Variants in NPR1 observed in about 807,000 individuals in gnomAD.
NPR1 encodes the protein natriuretic peptide receptor 1, also known as atrial natriuretic peptide receptor 1.
NPR1 carries 57 observed loss-of-function variants against 116.9 expected under a neutral mutation model. That is an observed-to-expected ratio of 0.49 (90% CI 0.39 to 0.61). The LOEUF (loss-of-function observed/expected upper bound fraction) is 0.61, where lower values mean the gene tolerates loss of function less well. Ranked by LOEUF, NPR1 falls within the 20% of genes least tolerant of loss-of-function variation. The probability of loss-of-function intolerance (pLI) is 0.00; values close to 1 mark genes in which losing one functional copy is unlikely to be tolerated. For synonymous variants in NPR1, 555 were observed against 601.6 expected, an observed-to-expected ratio of 0.92 and a Z score of 1.13; for missense variants, 1,096 against 1,409.8, an observed-to-expected ratio of 0.78 and a Z score of 3.56.
At position 153,679,953 on chromosome 1, in the gene NPR1, C is replaced by A; in HGVS notation, c.721+124C>A. 1 of 1,291,510 alleles carries A rather than the reference C, an allele frequency of 7.7e-7. No individual in the cohort carries two copies. The highest frequency in any genetic ancestry group is 1.0e-6 in the Non-Finnish European group (1 of 956,530). 80.0% of individuals were successfully genotyped at this position (1,291,510 alleles called of 1,614,324 possible). ...TTCTTTCTCCTCGCCGTTCTTCATTCTACTTTCAGCTCCCTGGCCCTTTCT... is the reference window on the plus strand; with the variant it reads ...TTCTTTCTCCTCGCCGTTCTTCATTATACTTTCAGCTCCCTGGCCCTTTCT... On this transcript the variant is annotated intron_variant, in intron 1 of 21. Coordinates refer to ENST00000368680, the MANE Select transcript of NPR1 (RefSeq NM_000906.4). This position sits in a 1 kb window ranked among gnomAD's most constrained non-coding sequence, Gnocchi z 4.2.
In NPR1 at chr1:153,680,606, T is replaced by C. The variant is rs1175067473; in HGVS notation, c.827T>C (p.Phe276Ser). 11 of 1,614,024 alleles carry C rather than the reference T, an allele frequency of 6.8e-6. No individual in the cohort carries two copies. The highest frequency in any genetic ancestry group is 1.6e-4 in the Middle Eastern group (1 of 6,084). Residue 276 changes from phenylalanine to serine, a missense_variant, in exon 2 of 22, where the codon TTT becomes TCT. Coordinates refer to ENST00000368680, the MANE Select transcript of NPR1 (RefSeq NM_000906.4). ...TACGTTTTCTTCCACCTGGATATCT[T>C]TGGGCAAAGCCTGCAAGGTGGACAG... is the stretch of plus-strand genomic sequence containing the variant. The part of the protein sequence containing the change: ...EDYVFFHLDI[F>S]GQSLQGGQGP...
In NPR1 at chr1:153,686,117, G is replaced by T. The variant is rs1191382130; in HGVS notation, c.1681-6G>T. ...TTCACAGTGACAGTCTCCATTCCAT[G>T]CCCAGGGCAACCTCGTGGCTGTGAA... On this transcript the variant is annotated splice_polypyrimidine_tract_variant and splice_region_variant and intron_variant, in intron 9 of 21. Transcript: ENST00000368680. 1.2e-6 allele frequency: 2 copies of T among 1,613,766 alleles called. No homozygotes were observed. Among genetic ancestry groups the T allele is most frequent in the Admixed American group, 3.3e-5 (2 of 59,942 alleles).
At position 153,686,739 on chromosome 1, in the gene NPR1, G is replaced by A; in HGVS notation, c.1852G>A (p.Gly618Arg). ...CATCCTCACAGAGTACTGTCCCCGT[G>A]GGAGCCTGCAGGTGAGGGGGACAAG... is the stretch of plus-strand genomic sequence containing the variant. The part of the protein sequence containing the change: ...ICILTEYCPR[G>R]SLQDILENES... Residue 618 changes from glycine (G) to arginine (R), a missense_variant, in exon 11 of 22, where the codon GGG (glycine) becomes AGG (arginine). Gly to Arg is a moderately radical substitution (Grantham distance 125). Coordinates refer to ENST00000368680, the MANE Select transcript of NPR1 (RefSeq NM_000906.4). 3.1e-6 allele frequency: 5 copies of A among 1,613,754 alleles called. No homozygotes were observed. Among genetic ancestry groups the A allele is most frequent in the Non-Finnish European group, 4.2e-6 (5 of 1,179,746 alleles).
Position 153,689,336 on chromosome 1 carries a change from G to T in NPR1, c.2688+25G>T. 6.2e-7 allele frequency: 1 copy of T among 1,614,162 alleles called. No homozygotes were observed. Among genetic ancestry groups the T allele is most frequent in the Non-Finnish European group, 8.5e-7 (1 of 1,180,030 alleles). ...GGTAGGCCAGGGTTCAGCCACAGGT[G>T]CCAGGCAAGCTCAGCATCTGGATCC... On this transcript the variant is annotated intron_variant, in intron 17 of 21. Coordinates refer to ENST00000368680, the MANE Select transcript of NPR1 (RefSeq NM_000906.4). The surrounding 1 kb of genome is among the most constrained non-coding windows in gnomAD (Gnocchi z 5.1).
At chr1:153,685,631 T>G (rs539732170) in intron 8 of NPR1, among the ~76,000 whole-genome samples, 175 bp from the exon 9 acceptor site, 2 of 151,824 alleles carry the variant, frequency 1.3e-5, no homozygotes, top group South Asian at 4.2e-4. Context: ...ACCACTGCAC[T>G]CCAGCCTGGA....
In NPR1 at chr1:153,678,912, C is replaced by G. The variant is rs1031050674; in HGVS notation, c.-197C>G. The stretch of plus-strand genomic sequence containing the variant: ...TGCTCCGCGGCGCCCTGCGCGCCCC[C>G]CTCGGTCGCGCCCCTTGCGCTCTCG... On this transcript the variant is annotated 5_prime_UTR_variant, in exon 1 of 22. Transcript: ENST00000368680. This position sits in a 1 kb window ranked among gnomAD's most constrained non-coding sequence, Gnocchi z 5.8. 4.2e-5 allele frequency: 29 copies of G among 686,840 alleles called. No homozygotes were observed. Among genetic ancestry groups the G allele is most frequent in the Admixed American group, 1.7e-4 (4 of 23,842 alleles). 42.5% of individuals were successfully genotyped at this position (686,840 alleles called of 1,614,324 possible). A position where few individuals can be genotyped will look rare whatever the true frequency, so the allele number is the denominator to read the frequency against.
rs28730726 is a variant in NPR1 at position 153,681,281 on chromosome 1, G to C, written c.1023G>C (p.Met341Ile). 5,701 of 1,607,010 alleles carry C rather than the reference G, an allele frequency of 3.5e-3. 177 individuals carry two copies. In the East Asian group the frequency reaches 0.069, roughly 19 times the overall value. The change falls in exon 3 of 22, where the codon ATG becomes ATC. Residue 341 changes from methionine to isoleucine, a missense_variant. By Grantham distance (10) the Met-to-Ile change is conservative (BLOSUM62 1). Coordinates refer to ENST00000368680, the MANE Select transcript of NPR1 (RefSeq NM_000906.4). ...HLAYEQFNFT[M>I]EDGLVNTIPA... ...CCTATGAGCAGTTCAACTTCACCATGGAGGATGGCCTGGTAAGAAGGGGTC... is the reference window on the plus strand; with the variant it reads ...CCTATGAGCAGTTCAACTTCACCATCGAGGATGGCCTGGTAAGAAGGGGTC...
At chr1:153,685,735 C>T (rs1449278181) in intron 8 of NPR1, 71 bp from the exon 9 acceptor site, 1 of 1,187,578 alleles carries the variant, frequency 8.4e-7, no homozygotes, top group Non-Finnish European at 1.3e-6. Context: ...AAATAAAGAC[C>T]AGAGCACAAG....
Position 153,681,194 on chromosome 1 carries a change from T to C in NPR1, c.936T>C (p.Ile312=). The change falls in exon 3 of 22, where the codon ATT becomes ATC. Residue 312 remains isoleucine, a synonymous_variant. Transcript: ENST00000368680. ...CCCTTTCTCAGGCTGCCAAAATCAT[T>C]ACATATAAAGACCCAGATAATCCCG... ...ARQAFQAAKI[I]TYKDPDNPEY... The C allele has an allele frequency of 6.2e-7, 1 of 1,609,304 alleles. No individual in the cohort carries two copies.
chr1:153,679,435 C>A lies in NPR1; in HGVS notation c.327C>A (p.Asn109Lys). 1.3e-6 allele frequency: 2 copies of A among 1,543,440 alleles called. No individual in the cohort carries two copies. Among genetic ancestry groups the A allele is most frequent in the Non-Finnish European group, 1.7e-6 (2 of 1,149,024 alleles). The change falls in exon 1 of 22, where the codon AAC (asparagine) becomes AAA (lysine). Residue 109 changes from asparagine to lysine, a missense_variant. Physicochemically the swap from Asn to Lys is moderately conservative, Grantham distance 94. Transcript: ENST00000368680. The surrounding 1 kb of genome is among the most constrained non-coding windows in gnomAD (Gnocchi z 4.2). ...LAAVDLKWEH[N>K]PAVFLGPGCV... ...CGGTGGACCTCAAGTGGGAGCACAA[C>A]CCCGCTGTGTTCCTGGGCCCCGGCT...
rs980550950 is a variant in NPR1, at chr1:153,680,395, C to T, written c.722-106C>T. 23 of 910,094 alleles carry T rather than the reference C, an allele frequency of 2.5e-5. No homozygotes were observed. In the Middle Eastern group the frequency reaches 9.4e-4, roughly 37 times the overall value. 56.4% of individuals were successfully genotyped at this position (910,094 alleles called of 1,614,324 possible). On this transcript the variant is annotated intron_variant, in intron 1 of 21. Transcript: ENST00000368680. ...ACCACTTAACTCTCACTGGGTCTCT[C>T]CTGCACCCTATCTCTAAACTTCCTC...
chr1:153,684,002 G>T (rs1219594527), intron 7 of NPR1, among the ~76,000 whole-genome samples, 178 bp downstream of exon 7: 1 of 152,126 alleles, frequency 6.6e-6, no homozygotes, highest in African/African-American at 2.4e-5. Flanking sequence ...GAAGGGAATG[G>T]CAGGGCGAGG....
chr1:153,679,288 G>C lies in NPR1; in HGVS notation c.180G>C (p.Glu60Asp). 6.5e-7 allele frequency: 1 copy of C among 1,530,330 alleles called. No homozygotes were observed. The highest frequency in any genetic ancestry group is 8.7e-7 in the Non-Finnish European group (1 of 1,144,092). 94.8% of individuals were successfully genotyped at this position (1,530,330 alleles called of 1,614,324 possible). ...GGGCGCGCGTGGGACCCGCCGTGGA[G>C]CTGGCCCTGGCCCAGGTGAAGGCGC... is the stretch of plus-strand genomic sequence containing the variant. ...WSWARVGPAV[E>D]LALAQVKARP... Residue 60 changes from glutamate (E) to aspartate (D), a missense_variant, in exon 1 of 22, where the codon GAG becomes GAC. Transcript: ENST00000368680. The surrounding 1 kb of genome is among the most constrained non-coding windows in gnomAD (Gnocchi z 4.2).
chr1:153,683,486 C>T lies in NPR1; in HGVS notation c.1374C>T (p.Asp458=), dbSNP rs1322936028. The change falls in exon 6 of 22, where the codon GAC becomes GAT. Residue 458 remains aspartate (D), a synonymous_variant. Transcript: ENST00000368680. ...CTGACATCCCCAAATGTGGCTTTGACAACGAAGACCCAGCATGCAACCAAG... is the reference window on the plus strand; with the variant it reads ...CTGACATCCCCAAATGTGGCTTTGATAACGAAGACCCAGCATGCAACCAAG... ...PPPDIPKCGF[D]NEDPACNQDH... The T allele has an allele frequency of 6.2e-7, 1 of 1,614,204 alleles. No individual in the cohort carries two copies. Among genetic ancestry groups the T allele is most frequent in the South Asian group, 1.1e-5 (1 of 91,084 alleles).
At chr1:153,683,247 A>G (rs544159314) in intron 5 of NPR1, 129 bp from the exon 6 acceptor site, 1 of 1,055,436 alleles carries the variant, frequency 9.5e-7, no homozygotes, top group Admixed American at 2.9e-5. Flanking sequence ...CTTGGTAAGC[A>G]GGTGACAACC....
At position 153,688,195 on chromosome 1, in the gene NPR1, C is replaced by A. The variant is rs199780804; in HGVS notation, c.2391C>A (p.Ile797=). 9 of 1,613,784 alleles carry A rather than the reference C, an allele frequency of 5.6e-6. No individual in the cohort carries two copies. In the South Asian group the frequency reaches 9.9e-5, roughly 18 times the overall value. Residue 797 remains isoleucine, a synonymous_variant, in exon 15 of 22, where the codon ATC becomes ATA. Transcript: ENST00000368680. The part of the protein sequence containing the change: ...DPQERPPFQQ[I]RLTLRKFNRE... ...AGGAGAGGCCACCATTCCAGCAGAT[C>A]CGCCTGACGTTGCGCAAATTTAACA...
chr1:153,682,452 G>A, intron 4 of NPR1, 46 bp from the exon 5 acceptor site: 1 of 1,447,882 alleles, frequency 6.9e-7, no homozygotes, highest in African/African-American at 1.4e-5. Context: ...GGGCACCCCT[G>A]AACTTCTATT....
Position 153,682,587 on chromosome 1 carries a change from A to G in NPR1, c.1261A>G (p.Arg421Gly), listed in dbSNP as rs1179514975. 1.9e-6 allele frequency: 3 copies of G among 1,612,598 alleles called. No homozygotes were observed. The highest frequency in any genetic ancestry group is 3.3e-5 in the Admixed American group (2 of 59,968). ...WDMDPENGAF[R>G]VVLNYNGTSQ... ...TATGGATCCCGAGAATGGTGCCTTC[A>G]GGGTAAGTTTGTGCACCCAGAAGAC... The change falls in exon 5 of 22, where the codon AGG becomes GGG. Residue 421 changes from arginine to glycine, a missense_variant and splice_region_variant. Arg to Gly is a moderately radical substitution (Grantham distance 125). Coordinates refer to ENST00000368680, the MANE Select transcript of NPR1 (RefSeq NM_000906.4).
At chr1:153,684,386 CTT>C (rs58272090) in intron 7 of NPR1, among the ~76,000 whole-genome samples, 9,692 of 88,148 alleles carry the variant, frequency 0.11, 162 homozygotes, top group Middle Eastern at 0.24. Context: ...TTCTTTCTTT[CTT>C]TTTTTTTTTT....
Sources: allele counts gnomAD v4.1 joint callset (sites outside exome capture counted in the v4.1 genomes callset), GRCh38; gene constraint gnomAD v4.1.1; non-coding constraint Gnocchi (gnomAD v3.1); transcripts MANE v1.5; gene names NCBI Gene and HGNC (gene_info 2026-07-23, HGNC 2026-07-21).